Variants in DSCAM observed in about 807,000 individuals in gnomAD.
DSCAM encodes DS cell adhesion molecule, also known as cell adhesion molecule DSCAM.
In DSCAM, 47 loss-of-function variants were observed where a neutral mutation model predicts 217.7. That is an observed-to-expected ratio of 0.22 (90% confidence interval 0.17 to 0.28). DSCAM has a LOEUF of 0.28. Among genes scored for constraint, DSCAM ranks in the 10% least tolerant of loss-of-function variants. The pLI is 1.00. For synonymous variants in DSCAM, 1,056 were observed against 1,015.3 expected, an observed-to-expected ratio of 1.04 and a Z score of -0.76; for missense variants, 2,080 against 2,618.3, an observed-to-expected ratio of 0.79 and a Z score of 4.49.
intron 3 of DSCAM, among the ~76,000 whole-genome samples, chr21:40,500,309 G>A (rs1252066570): frequency 1.3e-5 from 2 of 152,068 alleles, no homozygotes; most frequent in Non-Finnish European, 2.9e-5. Flanking sequence ...CTTGTTTTAT[G>A]AGTAACATAG....
At chr21:40,710,882 G>A (rs1331610394) in intron 1 of DSCAM, among the ~76,000 whole-genome samples, 1 of 152,214 alleles carries the variant, frequency 6.6e-6, no homozygotes, top group Non-Finnish European at 1.5e-5. Context: ...TCAGAAGTGA[G>A]AATAACATTT....
intron 4 of DSCAM, among the ~76,000 whole-genome samples, chr21:40,358,680 G>A (rs917823479): frequency 2.0e-5 from 3 of 151,596 alleles, no homozygotes; most frequent in Admixed American, 6.6e-5. Context: ...GGTGGCATGA[G>A]CCTGTAATCC....
intron 3 of DSCAM, among the ~76,000 whole-genome samples, chr21:40,623,001 CACATACATCAA>C (rs2089543536): frequency 1.3e-5 from 2 of 152,128 alleles, no homozygotes; most frequent in Non-Finnish European, 2.9e-5. Context: ...TAGCTATCCT[CACATACATCAA>C]ATATTGTCAA....
chr21:40,689,290 G>C lies in DSCAM; in HGVS notation c.508+3520C>G, dbSNP rs150882749. ...GGATTTCCAAAGGTCCCCTGGCCTA[G>C]AGATTCACAGAAACCCAAAGCTCAT... is the stretch of plus-strand genomic sequence containing the variant. On this transcript the variant is annotated intron_variant, in intron 3 of 32. Coordinates refer to ENST00000400454, the MANE Select transcript of DSCAM (RefSeq NM_001389.5). 7.9e-5 allele frequency among the ~76,000 whole-genome samples: 12 copies of C among 152,302 alleles called. No individual in the cohort carries two copies. In the East Asian group the frequency reaches 2.3e-3, roughly 29 times the overall value.
chr21:40,069,364 T>C (rs536702637), intron 27 of DSCAM, among the ~76,000 whole-genome samples: 1 of 152,234 alleles, frequency 6.6e-6, no homozygotes, highest in Non-Finnish European at 1.5e-5. Context: ...AGACCACAGC[T>C]TGCATCCTGG....
intron 1 of DSCAM, among the ~76,000 whole-genome samples, chr21:40,733,558 C>T (rs1297521137): frequency 6.6e-6 from 1 of 152,138 alleles, no homozygotes; most frequent in Non-Finnish European, 1.5e-5. Flanking sequence ...ACCATCCAAC[C>T]CAAAATGTCA....
intron 27 of DSCAM, among the ~76,000 whole-genome samples, chr21:40,072,146 A>C (rs534286603): frequency 2.0e-5 from 3 of 152,086 alleles, no homozygotes; most frequent in Non-Finnish European, 4.4e-5. Context: ...ACCTGGCTAA[A>C]CTCTTGTGAT....
Position 40,353,646 on chromosome 21 carries a change from G to C in DSCAM, c.753C>G (p.His251Gln). The change falls in exon 5 of 33, where the codon CAC becomes CAG. Residue 251 changes from histidine (H) to glutamine (Q), a missense_variant. By Grantham distance (24) the His-to-Gln change is conservative. Coordinates refer to ENST00000400454, the MANE Select transcript of DSCAM (RefSeq NM_001389.5). Reference sequence around the variant, plus strand: ...TCAGCCAGCGGTAATCTGGCTCAGGGTGCCCGAGCGCTTTGCAAGGCAGCT... The same window carrying C: ...TCAGCCAGCGGTAATCTGGCTCAGGCTGCCCGAGCGCTTTGCAAGGCAGCT... ...RVELPCKALG[H>Q]PEPDYRWLKD... The C allele has an allele frequency of 6.2e-7, 1 of 1,612,032 alleles. No homozygotes were observed. Among genetic ancestry groups the C allele is most frequent in the Non-Finnish European group, 8.5e-7 (1 of 1,179,442 alleles).
chr21:40,038,096 C>T (rs1419207020), intron 32 of DSCAM, among the ~76,000 whole-genome samples: 1 of 151,870 alleles, frequency 6.6e-6, no homozygotes, highest in African/African-American at 2.4e-5. Context: ...CCATTCAGGA[C>T]ATAAGCATGG....
At chr21:40,793,123 C>T (rs1461335733) in intron 1 of DSCAM, among the ~76,000 whole-genome samples, 2 of 152,108 alleles carry the variant, frequency 1.3e-5, no homozygotes, top group African/African-American at 4.8e-5. Flanking sequence ...TAGATGTTTG[C>T]ACGTAGTTAA....
chr21:40,463,401 C>T (rs923756569), intron 3 of DSCAM, among the ~76,000 whole-genome samples: 37 of 152,126 alleles, frequency 2.4e-4, no homozygotes, highest in Admixed American at 2.2e-3. Context: ...CTGCTCATAC[C>T]GAGACCACCC....
At chr21:40,079,864 C>G (rs543914943) in intron 25 of DSCAM, among the ~76,000 whole-genome samples, 3 of 152,138 alleles carry the variant, frequency 2.0e-5, no homozygotes, top group Non-Finnish European at 4.4e-5. Flanking sequence ...GCAAGCGCCA[C>G]GCTTCATGGC....
intron 3 of DSCAM, among the ~76,000 whole-genome samples, chr21:40,682,352 G>C (rs962933083): frequency 1.3e-5 from 2 of 151,874 alleles, no homozygotes; most frequent in Non-Finnish European, 2.9e-5. Flanking sequence ...TCTGAGAGGG[G>C]AAGATGCAAA....
At chr21:40,174,736 T>C (rs867607128) in intron 15 of DSCAM, among the ~76,000 whole-genome samples, 14 of 152,298 alleles carry the variant, frequency 9.2e-5, no homozygotes, top group Middle Eastern at 3.4e-3. Flanking sequence ...CAAGAGGAAC[T>C]CAAAATTTAG....
intron 11 of DSCAM, among the ~76,000 whole-genome samples, chr21:40,261,663 AC>A (rs2146980571): frequency 6.7e-6 from 1 of 149,918 alleles, no homozygotes; most frequent in African/African-American, 2.4e-5. Flanking sequence ...ACACACACAC[AC>A]ACACACACAC....
At chr21:40,451,663 A>G (rs2075720869) in intron 3 of DSCAM, among the ~76,000 whole-genome samples, 1 of 152,214 alleles carries the variant, frequency 6.6e-6, no homozygotes, top group Non-Finnish European at 1.5e-5. Context: ...CTGTTTCCAG[A>G]ACACATGGTG....
chr21:40,830,531 C>T (rs1334254617), intron 1 of DSCAM, among the ~76,000 whole-genome samples: 1 of 152,180 alleles, frequency 6.6e-6, no homozygotes, highest in African/African-American at 2.4e-5. Flanking sequence ...ATCTGGGGCT[C>T]ATTCATCCAG....
chr21:40,591,102 CATTT>C (rs200560517), intron 3 of DSCAM, among the ~76,000 whole-genome samples: 49,162 of 152,066 alleles, frequency 0.32, 8,246 homozygotes, highest in South Asian at 0.46. Flanking sequence ...CACGAGATCA[CATTT>C]TTTTTAGGTG....
rs1469417704 is a variant in DSCAM at position 40,719,432 on chromosome 21, CA to C, written c.44-10662del. Reference sequence around the variant, plus strand: ...GGGAACACATGTGTACACTGTGACTCAACAATTTCACTCCTAAGTATTTATA... The same window carrying C: ...GGGAACACATGTGTACACTGTGACTCACAATTTCACTCCTAAGTATTTATA... On this transcript the variant is annotated intron_variant, in intron 1 of 32. Coordinates refer to ENST00000400454, the MANE Select transcript of DSCAM (RefSeq NM_001389.5). Among the ~76,000 whole-genome samples, 4 of 152,246 alleles carry C rather than the reference CA, an allele frequency of 2.6e-5. No individual in the cohort carries two copies. The East Asian group carries it at 7.7e-4, about 29-fold the overall frequency.
Sources: allele counts gnomAD v4.1 joint callset (sites outside exome capture counted in the v4.1 genomes callset), GRCh38; gene constraint gnomAD v4.1.1; transcripts MANE v1.5; gene names NCBI Gene and HGNC (gene_info 2026-07-23, HGNC 2026-07-21).